Variants in MFAP3L observed in about 807,000 individuals in gnomAD.
MFAP3L encodes the protein microfibril associated protein 3 like.
Under a neutral mutation model 20.0 loss-of-function variants are expected in MFAP3L, and 5 were observed. The ratio of observed to expected loss-of-function variants is 0.25; its 90% CI spans 0.13 to 0.53. The LOEUF (loss-of-function observed/expected upper bound fraction) is 0.53. Among genes scored for constraint, MFAP3L ranks in the 20% least tolerant of loss-of-function variants. The probability of loss-of-function intolerance (pLI) is 0.96; values close to 1 mark genes in which losing one functional copy is unlikely to be tolerated. For synonymous variants in MFAP3L, 219 were observed against 213.0 expected (o/e 1.03, Z -0.25); for missense variants, 409 against 527.5 (o/e 0.78, Z 2.20).
intron 1 of MFAP3L, among the ~76,000 whole-genome samples, chr4:170,017,775 TAAAC>T (rs752299224): frequency 4.4e-4 from 67 of 152,308 alleles, no homozygotes; most frequent in African/African-American, 1.5e-3. Context: ...TTGTTGCAAT[TAAAC>T]AAAATCACCA....
chr4:170,001,980 G>C, intron 2 of MFAP3L: 1 of 985,438 alleles, frequency 1.0e-6, no homozygotes, highest in Non-Finnish European at 1.2e-6. Context: ...CAGCAGAAAC[G>C]AGACATGAAA....
At chr4:170,016,631 T>G (rs769438692) in intron 1 of MFAP3L, among the ~76,000 whole-genome samples, 1 of 152,230 alleles carries the variant, frequency 6.6e-6, no homozygotes, top group Non-Finnish European at 1.5e-5. Flanking sequence ...TGTTTACTGA[T>G]GTATCCCCAC....
At chr4:170,005,310 T>C (rs896145409) in intron 2 of MFAP3L, 3 of 501,132 alleles carry the variant, frequency 6.0e-6, no homozygotes, top group Middle Eastern at 5.1e-4. Context: ...TTTGTCTCTA[T>C]AATGTATTGG....
Position 169,991,937 on chromosome 4 carries a change from T to C in MFAP3L, c.671A>G (p.Gln224Arg). Reference sequence around the variant, plus strand: ...GCGGGCGAACTCCATGGTTTTGAACTGGGTGACTTTGGCAAGCTCTAGAGT... The same window carrying C: ...GCGGGCGAACTCCATGGTTTTGAACCGGGTGACTTTGGCAAGCTCTAGAGT... ...AKTLELAKVT[Q>R]FKTMEFARYI... is the part of the protein sequence containing the mutation. The change falls in exon 3 of 3, where the codon CAG becomes CGG. Residue 224 changes from glutamine to arginine, a missense_variant. By Grantham distance (43) the Gln-to-Arg change is conservative (BLOSUM62 1). This residue lies in a region of MFAP3L where 127 missense variants were observed against 218.1 expected (regional missense o/e 0.58). Transcript: ENST00000361618. The surrounding 1 kb of genome is among the most constrained non-coding windows in gnomAD (Gnocchi z 4.9). The C allele has an allele frequency of 6.2e-7, 1 of 1,614,186 alleles. No individual in the cohort carries two copies. The highest frequency in any genetic ancestry group is 1.1e-5 in the South Asian group (1 of 91,080).
chr4:169,992,443 C>CT lies in MFAP3L; in HGVS notation c.299-135dup, dbSNP rs1197452631. The stretch of plus-strand genomic sequence containing the variant: ...AGTCTATGAACGTCGACTTCACATG[C>CT]TTACTATGCGGCAGGCAGTGACATG... On this transcript the variant is annotated intron_variant, in intron 2 of 2. Transcript: ENST00000361618. The surrounding 1 kb of genome is among the most constrained non-coding windows in gnomAD (Gnocchi z 4.3). The CT allele has an allele frequency of 9.1e-5, 69 of 758,142 alleles. No homozygotes were observed. Among genetic ancestry groups the CT allele is most frequent in the Non-Finnish European group, 1.4e-4 (65 of 474,314 alleles). 47.0% of individuals were successfully genotyped at this position (758,142 alleles called of 1,614,324 possible). A position where few individuals can be genotyped will look rare whatever the true frequency, so the allele number is the denominator to read the frequency against.
At position 170,026,225 on chromosome 4, in the gene MFAP3L, C is replaced by T; in HGVS notation, c.-134+9G>A. On this transcript the variant is annotated intron_variant, in intron 1 of 2. Coordinates refer to ENST00000361618, the MANE Select transcript of MFAP3L (RefSeq NM_021647.8). Reference sequence around the variant, plus strand: ...CCTCCGCCCCGGCCCGCCGGGGGCCCCCGCTAACCTGACACCGCCGCGCCA... The same window carrying T: ...CCTCCGCCCCGGCCCGCCGGGGGCCTCCGCTAACCTGACACCGCCGCGCCA... 2.0e-6 allele frequency: 2 copies of T among 984,620 alleles called. No homozygotes were observed. Among genetic ancestry groups the T allele is most frequent in the South Asian group, 9.4e-5 (2 of 21,296 alleles). The allele number at this position is 984,620 out of a possible 1,614,324, so 61.0% of individuals were successfully genotyped here.
rs899677532 is a variant in MFAP3L at position 169,991,659 on chromosome 4, T to A, written c.949A>T (p.Ile317Phe). The A allele has an allele frequency of 6.2e-7, 1 of 1,614,196 alleles. No individual in the cohort carries two copies. Reference protein sequence around the residue: ...SLHEQPQQIAIKVSVHPQSKK... With the variant: ...SLHEQPQQIAFKVSVHPQSKK... ...GACTGCGGGTGAACTGACACCTTGA[T>A]GGCAATTTGCTGAGGTTGCTCGTGC... Residue 317 changes from isoleucine (I) to phenylalanine (F), a missense_variant, in exon 3 of 3, where the codon ATC becomes TTC. Around this residue, in one of 3 missense-constraint regions of MFAP3L, gnomAD observed 169 missense variants for 178.2 expected, o/e 0.95. Coordinates refer to ENST00000361618, the MANE Select transcript of MFAP3L (RefSeq NM_021647.8). The surrounding 1 kb of genome is among the most constrained non-coding windows in gnomAD (Gnocchi z 4.9).
At chr4:170,026,908 C>CCAAA (rs1289770688), upstream of MFAP3L, 1 of 152,246 alleles carries the variant, frequency 6.6e-6, no homozygotes, top group Non-Finnish European at 1.5e-5. Flanking sequence ...ACCTTGCTTC[C>CCAAA]GAAAGCTTCT....
chr4:169,996,758 T>C (rs1422364385), intron 2 of MFAP3L, among the ~76,000 whole-genome samples: 4 of 152,248 alleles, frequency 2.6e-5, no homozygotes, highest in Admixed American at 6.5e-5. Flanking sequence ...TTTATATCTA[T>C]CCTGCAGGAG....
chr4:170,023,003 C>A (rs1423831340), intron 1 of MFAP3L, among the ~76,000 whole-genome samples: 1 of 152,296 alleles, frequency 6.6e-6, no homozygotes, highest in East Asian at 1.9e-4. Context: ...AAAGTGGACA[C>A]CTTTGGTGGG....
At chr4:170,008,186 G>A (rs1418168078) in intron 1 of MFAP3L, among the ~76,000 whole-genome samples, 2 of 152,012 alleles carry the variant, frequency 1.3e-5, no homozygotes, top group Non-Finnish European at 2.9e-5. Context: ...AGAGACTTTC[G>A]TTTTATGCAG....
At chr4:170,002,435 T>C (rs1008705821) in intron 2 of MFAP3L, among the ~76,000 whole-genome samples, 3 of 152,152 alleles carry the variant, frequency 2.0e-5, no homozygotes, top group African/African-American at 4.8e-5. Flanking sequence ...TTAATGAAAA[T>C]TATAATTTTG....
intron 1 of MFAP3L, among the ~76,000 whole-genome samples, chr4:170,023,793 T>C (rs1010194569): frequency 2.0e-5 from 3 of 152,218 alleles, no homozygotes; most frequent in African/African-American, 7.2e-5. Context: ...TTATTTGTAT[T>C]CCAGTATCTA....
chr4:170,016,204 CA>C (rs1560988665), intron 1 of MFAP3L, among the ~76,000 whole-genome samples: 1 of 152,164 alleles, frequency 6.6e-6, no homozygotes, highest in Non-Finnish European at 1.5e-5. Context: ...TTATAATGTA[CA>C]TTTTTCCAGC....
chr4:170,001,457 T>C (rs568450787), intron 2 of MFAP3L, among the ~76,000 whole-genome samples: 31 of 152,292 alleles, frequency 2.0e-4, no homozygotes, highest in Middle Eastern at 3.4e-3. Flanking sequence ...AAAACCTAAC[T>C]TAATGGAAGA....
intron 2 of MFAP3L, among the ~76,000 whole-genome samples, chr4:170,003,136 T>C (rs560723543): frequency 1.3e-5 from 2 of 152,328 alleles, no homozygotes; most frequent in East Asian, 1.9e-4. Context: ...CCATCATGCA[T>C]TGTAATTACA....
Position 169,992,223 on chromosome 4 carries a change from TA to T in MFAP3L, c.384del (p.Asn129ThrfsTer6), listed in dbSNP as rs1737768112. 6.2e-7 allele frequency: 1 copy of T among 1,614,002 alleles called. No homozygotes were observed. The highest frequency in any genetic ancestry group is 1.1e-5 in the South Asian group (1 of 91,078). ...GTGTTGTTCACGGTGCCGTAGATGT[TA>T]GAAGCCACACACGTGTATTTACCTC... ...SDRGKYTCVA[S>X]NIYGTVNNTV... On this transcript the variant is annotated frameshift_variant, in exon 3 of 3. Transcript: ENST00000361618. LOFTEE classifies it high-confidence loss of function. This position sits in a 1 kb window ranked among gnomAD's most constrained non-coding sequence, Gnocchi z 4.3.
chr4:169,997,802 C>CTTTTCT (rs1738295457), intron 2 of MFAP3L: 4 of 942,008 alleles, frequency 4.2e-6, no homozygotes, highest in African/African-American at 2.1e-5. Flanking sequence ...TTCATTAATT[C>CTTTTCT]TTTTTTTTTT....
intron 1 of MFAP3L, among the ~76,000 whole-genome samples, chr4:170,007,902 G>A (rs1350392939): frequency 6.6e-6 from 1 of 152,106 alleles, no homozygotes; most frequent in Non-Finnish European, 1.5e-5. Flanking sequence ...AATATGGGTG[G>A]TAAATATAAC....
Sources: gnomAD v4.1 joint callset for allele counts (sites outside exome capture counted in the v4.1 genomes callset) on GRCh38, gnomAD v4.1.1 for gene constraint, gnomAD v4.1.1 regional missense constraint, Gnocchi (gnomAD v3.1) non-coding constraint, MANE v1.5 for transcripts, NCBI Gene and HGNC (gene_info 2026-07-23, HGNC 2026-07-21) for gene names.